LOC128706666: variants seen among roughly 807,000 people sequenced by gnomAD.
At chr20:10,425,802 A>AT in the LOC128706666 span, among the ~76,000 whole-genome samples, 24,440 of 152,042 alleles carry the variant, frequency 0.16, 2,347 homozygotes, top group African/African-American at 0.25. Flanking sequence ...GAGAAATGAG[A>AT]TTTTTTCCCT....
At chr20:10,421,224 G>T in the LOC128706666 span, among the ~76,000 whole-genome samples, 4 of 152,226 alleles carry the variant, frequency 2.6e-5, no homozygotes, top group African/African-American at 9.6e-5. Flanking sequence ...GAGGTCAGGA[G>T]TTCGAGACCA....
chr20:10,432,759 C>T, the LOC128706666 span, among the ~76,000 whole-genome samples: 1 of 126,772 alleles, frequency 7.9e-6, no homozygotes. Flanking sequence ...GATCCAGCTT[C>T]AGCCTGCGCG....
At chr20:10,433,569 G>A in the LOC128706666 span, among the ~76,000 whole-genome samples, 4 of 152,204 alleles carry the variant, frequency 2.6e-5, no homozygotes, top group Admixed American at 2.6e-4. Flanking sequence ...TCTTATCGGG[G>A]AGGAAGACGA....
the LOC128706666 span, among the ~76,000 whole-genome samples, chr20:10,423,563 A>G: frequency 6.6e-6 from 1 of 152,216 alleles, no homozygotes; most frequent in Non-Finnish European, 1.5e-5. Flanking sequence ...GTGTTGTACT[A>G]TTCTCTCCAG....
the LOC128706666 span, among the ~76,000 whole-genome samples, chr20:10,427,027 C>G: frequency 6.6e-5 from 8 of 122,004 alleles, no homozygotes; most frequent in Non-Finnish European, 1.2e-4. Context: ...AAAGAAAACA[C>G]TGACACACAC....
the LOC128706666 span, among the ~76,000 whole-genome samples, chr20:10,428,576 C>T: frequency 2.0e-5 from 3 of 152,154 alleles, no homozygotes; most frequent in South Asian, 2.1e-4. Flanking sequence ...CGGTGGCTCA[C>T]GCCTCTAATT....
At chr20:10,431,291 T>G in the LOC128706666 span, among the ~76,000 whole-genome samples, 1 of 152,116 alleles carries the variant, frequency 6.6e-6, no homozygotes, top group Non-Finnish European at 1.5e-5. Context: ...CCAAACACAG[T>G]CATGTATCCC....
At chr20:10,428,838 C>G in the LOC128706666 span, among the ~76,000 whole-genome samples, 4 of 126,562 alleles carry the variant, frequency 3.2e-5, no homozygotes, top group African/African-American at 1.4e-4. Flanking sequence ...AGCAAGACTC[C>G]GTCTCAATAA....
the LOC128706666 span, among the ~76,000 whole-genome samples, chr20:10,432,957 G>T: frequency 1.2e-4 from 19 of 152,268 alleles, no homozygotes; most frequent in Middle Eastern, 3.4e-3. Context: ...AAGAAAAAAG[G>T]TCTGCACGTG....
At chr20:10,420,704 C>G in the LOC128706666 span, 2 of 151,792 alleles carry the variant, frequency 1.3e-5, no homozygotes, top group African/African-American at 4.8e-5. Context: ...ACAACCAAAA[C>G]TTTGTAGTCT....
chr20:10,429,583 CT>C, the LOC128706666 span, among the ~76,000 whole-genome samples: 74 of 152,282 alleles, frequency 4.9e-4, no homozygotes, highest in African/African-American at 1.6e-3. Context: ...CCTGGATTTC[CT>C]GTTTCGTTAA....
the LOC128706666 span, among the ~76,000 whole-genome samples, chr20:10,414,326 C>T: frequency 7.8e-5 from 11 of 141,912 alleles, no homozygotes; most frequent in Admixed American, 7.5e-4. Context: ...AGTGCAATGG[C>T]GTGATCTTGG....
the LOC128706666 span, among the ~76,000 whole-genome samples, chr20:10,420,112 C>T: frequency 6.6e-6 from 1 of 151,618 alleles, no homozygotes; most frequent in Admixed American, 6.6e-5. Flanking sequence ...TCAAAAGTAA[C>T]AAATTATGGT....
the LOC128706666 span, among the ~76,000 whole-genome samples, chr20:10,427,196 T>A: frequency 6.5e-3 from 992 of 152,300 alleles, 12 homozygotes; most frequent in South Asian, 0.046. Context: ...CAAGTTTTTT[T>A]AATTGCTTCC....
At chr20:10,414,587 T>G in the LOC128706666 span, among the ~76,000 whole-genome samples, 1 of 152,124 alleles carries the variant, frequency 6.6e-6, no homozygotes, top group Non-Finnish European at 1.5e-5. Flanking sequence ...TTAAAAGAAG[T>G]CCCAAATATC....
the LOC128706666 span, among the ~76,000 whole-genome samples, chr20:10,433,106 C>A: frequency 6.3e-4 from 96 of 152,348 alleles, no homozygotes; most frequent in African/African-American, 2.1e-3. Context: ...AGGGCTCAAG[C>A]GATTCTCCTG....
chr20:10,427,076 AC>A, the LOC128706666 span, among the ~76,000 whole-genome samples: 1 of 143,586 alleles, frequency 7.0e-6, no homozygotes, highest in African/African-American at 2.5e-5. Context: ...ACACACACAC[AC>A]ACAAAGTAAG....
At chr20:10,419,570 G>A in the LOC128706666 span, among the ~76,000 whole-genome samples, 4 of 152,054 alleles carry the variant, frequency 2.6e-5, no homozygotes, top group African/African-American at 9.7e-5. Context: ...TATATACTAT[G>A]TTTTCTTCTT....
the LOC128706666 span, among the ~76,000 whole-genome samples, chr20:10,432,347 C>T: frequency 8.5e-5 from 13 of 152,324 alleles, no homozygotes; most frequent in South Asian, 4.1e-4. Flanking sequence ...CTCTAAATCT[C>T]CTCAGAGTCT....
Sources: allele counts gnomAD v4.1 joint callset (sites outside exome capture counted in the v4.1 genomes callset), GRCh38; gene constraint gnomAD v4.1.1; transcripts MANE v1.5.